The following SCHIP1 variants were observed in gnomAD, a reference collection of about 807,000 sequenced individuals.
The protein encoded by SCHIP1 is schwannomin interacting protein 1.
SCHIP1 carries 8 observed loss-of-function variants against 29.7 expected under a neutral mutation model. The ratio of observed to expected loss-of-function variants is 0.27; its 90% CI spans 0.16 to 0.49. The LOEUF (loss-of-function observed/expected upper bound fraction) is 0.49, where lower values mean the gene tolerates loss of function less well. Ranked by LOEUF, SCHIP1 falls within the 20% of genes least tolerant of loss-of-function variation. The pLI is 0.99. For synonymous variants in SCHIP1, 76 were observed against 94.9 expected (o/e 0.80, Z 1.16); for missense variants, 193 against 294.6 (o/e 0.66, Z 2.52).
At chr3:159,445,217 G>A in the SCHIP1 span, among the ~76,000 whole-genome samples, 1 of 152,102 alleles carries the variant, frequency 6.6e-6, no homozygotes, top group Non-Finnish European at 1.5e-5. Flanking sequence ...GTGGGCAAAG[G>A]ATATGAACAG....
chr3:159,608,069 T>A, the SCHIP1 span, among the ~76,000 whole-genome samples: 1 of 152,100 alleles, frequency 6.6e-6, no homozygotes, highest in African/African-American at 2.4e-5. Flanking sequence ...TGGGCTGCCC[T>A]CAGAAAGTCA....
the SCHIP1 span, among the ~76,000 whole-genome samples, chr3:159,469,438 T>C: frequency 1.3e-5 from 2 of 152,306 alleles, no homozygotes; most frequent in South Asian, 4.1e-4. Flanking sequence ...TTCTCTGAGC[T>C]TCCATTTCAT....
the SCHIP1 span, among the ~76,000 whole-genome samples, chr3:159,554,203 A>G: frequency 1.3e-5 from 2 of 152,278 alleles, no homozygotes; most frequent in East Asian, 1.9e-4. Context: ...CTTAGAATTC[A>G]TCACATCTAC....
the SCHIP1 span, among the ~76,000 whole-genome samples, chr3:159,823,882 C>T: frequency 1.3e-5 from 2 of 152,188 alleles, no homozygotes; most frequent in African/African-American, 2.4e-5. Flanking sequence ...GCACAGAGCC[C>T]TGCAAAGTGC....
chr3:159,802,097 A>G, the SCHIP1 span, among the ~76,000 whole-genome samples: 3 of 152,222 alleles, frequency 2.0e-5, no homozygotes, highest in African/African-American at 7.2e-5. Flanking sequence ...CATTTATACC[A>G]ATAAAAAACA....
chr3:159,402,323 A>G, the SCHIP1 span, among the ~76,000 whole-genome samples: 3 of 152,194 alleles, frequency 2.0e-5, no homozygotes, highest in Non-Finnish European at 2.9e-5. Context: ...ACACTTTTAC[A>G]GTGTTGGTGG....
chr3:159,453,629 C>T, the SCHIP1 span, among the ~76,000 whole-genome samples: 1 of 152,088 alleles, frequency 6.6e-6, no homozygotes, highest in Non-Finnish European at 1.5e-5. Flanking sequence ...CCATCATAAT[C>T]AAGTAAGATA....
At chr3:159,440,583 C>A in the SCHIP1 span, among the ~76,000 whole-genome samples, 1 of 152,086 alleles carries the variant, frequency 6.6e-6, no homozygotes, top group African/African-American at 2.4e-5. Flanking sequence ...CTCTCTTTTG[C>A]CAAATATTTT....
the SCHIP1 span, among the ~76,000 whole-genome samples, chr3:159,625,684 G>C: frequency 6.6e-6 from 1 of 151,938 alleles, no homozygotes; most frequent in East Asian, 1.9e-4. Context: ...TTTCCAGAAA[G>C]CTGGTTTGTC....
At chr3:159,306,379 C>T in the SCHIP1 span, 4 of 87,652 alleles carry the variant, frequency 4.6e-5, no homozygotes, top group African/African-American at 6.3e-5. Context: ...TGAGCTGGTT[C>T]CAGTACACCA....
chr3:159,368,482 G>T, the SCHIP1 span, among the ~76,000 whole-genome samples: 2 of 152,174 alleles, frequency 1.3e-5, no homozygotes, highest in Non-Finnish European at 1.5e-5. Flanking sequence ...CTATGCTTAA[G>T]TCCTGAAGAG....
the SCHIP1 span, among the ~76,000 whole-genome samples, chr3:159,802,271 A>T: frequency 5.3e-5 from 8 of 152,350 alleles, no homozygotes; most frequent in African/African-American, 1.9e-4. Flanking sequence ...CCAAGGTCAC[A>T]TTGCAAGTAA....
the SCHIP1 span, among the ~76,000 whole-genome samples, chr3:159,450,610 T>G: frequency 6.6e-6 from 1 of 152,140 alleles, no homozygotes; most frequent in Non-Finnish European, 1.5e-5. Flanking sequence ...CCCCAAAGCT[T>G]CTTCAAATAC....
At chr3:159,436,268 T>C in the SCHIP1 span, among the ~76,000 whole-genome samples, 1 of 152,306 alleles carries the variant, frequency 6.6e-6, no homozygotes, top group African/African-American at 2.4e-5. Flanking sequence ...AAAGTAGTAG[T>C]GTAGGCTTTG....
the SCHIP1 span, among the ~76,000 whole-genome samples, chr3:159,475,210 G>A: frequency 6.6e-6 from 1 of 152,052 alleles, no homozygotes; most frequent in Non-Finnish European, 1.5e-5. Flanking sequence ...AACAAATTGT[G>A]GTATACTCAT....
the SCHIP1 span, among the ~76,000 whole-genome samples, chr3:159,420,470 A>G: frequency 6.6e-6 from 1 of 152,216 alleles, no homozygotes; most frequent in African/African-American, 2.4e-5. Flanking sequence ...AGAGTTAGGA[A>G]CAGGCTAGAC....
At chr3:159,888,129 G>A (rs1717139071) in intron 4 of SCHIP1, 2 of 600,082 alleles carry the variant, frequency 3.3e-6, no homozygotes, top group Non-Finnish European at 5.7e-6. Flanking sequence ...GCTGTTGATT[G>A]ATGTCTACTG....
chr3:159,764,939 C>T, the SCHIP1 span: 3 of 1,493,830 alleles, frequency 2.0e-6, no homozygotes, highest in Admixed American at 5.1e-5. The surrounding 1 kb of genome is among the most constrained non-coding windows in gnomAD (Gnocchi z 6.1). Context: ...AAGCCCCAGC[C>T]GGCTGGGGGC....
chr3:159,300,408 C>T, the SCHIP1 span, among the ~76,000 whole-genome samples: 2 of 152,030 alleles, frequency 1.3e-5, no homozygotes, highest in Non-Finnish European at 2.9e-5. Flanking sequence ...TCAATAGGTT[C>T]TAAGGCAGAG....
Sources: allele counts gnomAD v4.1 joint callset (sites outside exome capture counted in the v4.1 genomes callset), GRCh38; gene constraint gnomAD v4.1.1; non-coding constraint Gnocchi (gnomAD v3.1); transcripts MANE v1.5; gene names NCBI Gene and HGNC (gene_info 2026-07-23, HGNC 2026-07-21).